CELF2: variants seen among roughly 807,000 people sequenced by gnomAD.
CELF2 encodes CUG triplet repeat RNA-binding protein 2.
In CELF2, 8 loss-of-function variants were observed where a neutral mutation model predicts 62.6. The observed-to-expected ratio is 0.13, with a 90% confidence interval of 0.07 to 0.23. CELF2 has a LOEUF of 0.23. Ranked by LOEUF, CELF2 falls within the 10% of genes least tolerant of loss-of-function variation. The pLI is 1.00. For missense variants in CELF2, 333 were observed against 671.0 expected, an observed-to-expected ratio of 0.50 and a Z score of 5.56; for synonymous variants, 258 against 250.0, an observed-to-expected ratio of 1.03 and a Z score of -0.30.
intron 3 of CELF2, among the ~76,000 whole-genome samples, chr10:11,238,298 A>C (rs946810989): frequency 3.3e-5 from 5 of 152,196 alleles, no homozygotes; most frequent in African/African-American, 1.2e-4. Flanking sequence ...CTTTTGTTGT[A>C]ATTGTAGCTG....
At chr10:10,915,261 AT>A (rs1333164899) in intron 1 of CELF2, among the ~76,000 whole-genome samples, 1 of 152,196 alleles carries the variant, frequency 6.6e-6, no homozygotes, top group African/African-American at 2.4e-5. Flanking sequence ...TATATCAGGC[AT>A]TTTTTAAAAA....
chr10:10,743,587 T>C, the CELF2 span, among the ~76,000 whole-genome samples: 1 of 152,238 alleles, frequency 6.6e-6, no homozygotes, highest in Non-Finnish European at 1.5e-5. Context: ...GAAAATACAA[T>C]GTTCCATTTT....
the CELF2 span, among the ~76,000 whole-genome samples, chr10:10,719,287 C>T: frequency 6.6e-6 from 1 of 152,016 alleles, no homozygotes; most frequent in South Asian, 2.1e-4. Flanking sequence ...GATACAGGGT[C>T]TCACTCTATG....
In CELF2 at chr10:10,907,885, A is replaced by G. The variant is rs1043581684; in HGVS notation, c.54-12079A>G. Among the ~76,000 whole-genome samples the G allele has an allele frequency of 2.0e-5, 3 of 152,204 alleles. No individual in the cohort carries two copies. In the East Asian group the frequency reaches 5.8e-4, roughly 29 times the overall value. On this transcript the variant is annotated intron_variant, in intron 1 of 13. Coordinates refer to the CELF2 transcript ENST00000636488. ...GGATACCACATTTAATCTGCCCAGC[A>G]TGGTCCAAGAAGCAACCTGGAAAAT...
the CELF2 span, among the ~76,000 whole-genome samples, chr10:10,761,769 T>C: frequency 6.6e-6 from 1 of 152,298 alleles, no homozygotes; most frequent in East Asian, 1.9e-4. Context: ...ACACATACCA[T>C]CAGCTCTACT....
chr10:10,475,113 T>C, the CELF2 span, among the ~76,000 whole-genome samples: 1 of 152,148 alleles, frequency 6.6e-6, no homozygotes, highest in South Asian at 2.1e-4. Flanking sequence ...ATAAGCCATA[T>C]GTGGAACAAT....
intron 2 of CELF2, among the ~76,000 whole-genome samples, chr10:10,958,590 GC>G (rs1437530459): frequency 6.6e-6 from 1 of 152,158 alleles, no homozygotes; most frequent in Admixed American, 6.5e-5. Flanking sequence ...GGGCATGGTG[GC>G]TCAGAGGTTT....
In CELF2 at chr10:11,318,678, T is replaced by C; in HGVS notation, c.1097-2511T>C. On this transcript the variant is annotated intron_variant, in intron 10 of 12. Coordinates refer to ENST00000633077, the MANE Select transcript of CELF2 (RefSeq NM_001326342.2). This position sits in a 1 kb window ranked among gnomAD's most constrained non-coding sequence, Gnocchi z 5.4. ...AAGAGCAGGAGCTGTGTTCTGCTTC[T>C]GCATTGTAAGAGAGAAACATTTTTG... 1 of 431,130 alleles carries C rather than the reference T, an allele frequency of 2.3e-6. No homozygotes were observed. Among genetic ancestry groups the C allele is most frequent in the South Asian group, 1.8e-5 (1 of 56,544 alleles). 26.7% of individuals were successfully genotyped at this position (431,130 alleles called of 1,614,324 possible).
rs1217259857 is a variant in CELF2 at position 11,255,045 on chromosome 10, A to G, written c.404-2693A>G. ...AGACGGCCTGCAGCAGGTGGTGTGG[A>G]CGGCCTGCAGGTACACTCGTTGCCC... On this transcript the variant is annotated intron_variant, in intron 4 of 12. Transcript: ENST00000633077. The surrounding 1 kb of genome is among the most constrained non-coding windows in gnomAD (Gnocchi z 5.5). 6.6e-6 allele frequency among the ~76,000 whole-genome samples: 1 copy of G among 152,170 alleles called. No individual in the cohort carries two copies. The highest frequency in any genetic ancestry group is 6.5e-5 in the Admixed American group (1 of 15,276).
chr10:10,849,874 G>T (rs2059271709), intron 1 of CELF2, among the ~76,000 whole-genome samples: 1 of 152,084 alleles, frequency 6.6e-6, no homozygotes, highest in Admixed American at 6.5e-5. Flanking sequence ...CAGGTGTGGT[G>T]GCTCATGCCT....
chr10:10,903,852 A>C (rs867004485), intron 1 of CELF2, among the ~76,000 whole-genome samples: 1 of 152,170 alleles, frequency 6.6e-6, no homozygotes, highest in South Asian at 2.1e-4. Context: ...GAGGCCCACA[A>C]GCAGTCATTG....
At chr10:11,167,675 A>G (rs2067629864) in intron 2 of CELF2, among the ~76,000 whole-genome samples, 2 of 152,194 alleles carry the variant, frequency 1.3e-5, no homozygotes, top group Non-Finnish European at 2.9e-5. Context: ...ACTTCTGTTC[A>G]CTGTGCCTGA....
chr10:10,519,226 G>C, the CELF2 span, among the ~76,000 whole-genome samples: 1 of 152,274 alleles, frequency 6.6e-6, no homozygotes, highest in Non-Finnish European at 1.5e-5. Flanking sequence ...CAGAGTCGAG[G>C]CTGATCTCTG....
At chr10:11,188,400 C>T (rs1475798680) in intron 2 of CELF2, among the ~76,000 whole-genome samples, 1 of 152,204 alleles carries the variant, frequency 6.6e-6, no homozygotes, top group Non-Finnish European at 1.5e-5. Flanking sequence ...TCACCACGCC[C>T]AGACTGAAGT....
At chr10:11,083,536 GT>G (rs915121734) in intron 1 of CELF2, among the ~76,000 whole-genome samples, 1 of 152,176 alleles carries the variant, frequency 6.6e-6, no homozygotes, top group Non-Finnish European at 1.5e-5. Context: ...TTCTATGAAA[GT>G]TTTTACTAAG....
chr10:11,276,468 T>C (rs1345301914), intron 8 of CELF2, among the ~76,000 whole-genome samples: 2 of 152,244 alleles, frequency 1.3e-5, no homozygotes, highest in Non-Finnish European at 2.9e-5. Flanking sequence ...TCACATTGAA[T>C]GGTTAATTTA....
rs2065820468 is a variant in CELF2 at position 11,224,374 on chromosome 10, G to C, written c.354+6867G>C. ...TTAGTATCTTGTGAGGGGATGGTAG[G>C]ATGGTACAATGGCAAAATGAAGCCA... On this transcript the variant is annotated intron_variant, in intron 3 of 12. Transcript: ENST00000633077. The surrounding 1 kb of genome is among the most constrained non-coding windows in gnomAD (Gnocchi z 4.5). Among the ~76,000 whole-genome samples, 1 of 152,152 alleles carries C rather than the reference G, an allele frequency of 6.6e-6. No homozygotes were observed. The highest frequency in any genetic ancestry group is 1.5e-5 in the Non-Finnish European group (1 of 68,042).
chr10:11,299,707 C>A (rs953947818), intron 9 of CELF2, among the ~76,000 whole-genome samples: 5 of 152,162 alleles, frequency 3.3e-5, no homozygotes, highest in African/African-American at 9.7e-5. Context: ...ACAGCGCCAC[C>A]GCACCACGAG....
the CELF2 span, among the ~76,000 whole-genome samples, chr10:10,535,591 G>A: frequency 6.6e-6 from 1 of 152,202 alleles, no homozygotes; most frequent in Non-Finnish European, 1.5e-5. Flanking sequence ...ATGGTGGCGG[G>A]CGCCTGTAAT....
Sources: gnomAD v4.1 joint callset for allele counts (sites outside exome capture counted in the v4.1 genomes callset) on GRCh38, gnomAD v4.1.1 for gene constraint, Gnocchi (gnomAD v3.1) non-coding constraint, MANE v1.5 for transcripts, NCBI Gene and HGNC (gene_info 2026-07-23, HGNC 2026-07-21) for gene names.